INTS8: variants seen among roughly 807,000 people sequenced by gnomAD.
INTS8 encodes integrator complex subunit 8.
Under a neutral mutation model 138.9 loss-of-function variants are expected in INTS8, and 47 were observed. The ratio of observed to expected loss-of-function variants is 0.34; its 90% CI spans 0.27 to 0.43. The LOEUF is 0.43. Ranked by LOEUF, INTS8 falls within the 20% of genes least tolerant of loss-of-function variation. The probability of loss-of-function intolerance (pLI) is 1.00; values close to 1 mark genes in which losing one functional copy is unlikely to be tolerated. For synonymous variants in INTS8, 392 were observed against 400.9 expected, an observed-to-expected ratio of 0.98 and a Z score of 0.27; for missense variants, 996 against 1,173.0, an observed-to-expected ratio of 0.85 and a Z score of 2.20.
chr8:94,848,776 A>T (rs532345753), intron 10 of INTS8, among the ~76,000 whole-genome samples: 239 of 152,262 alleles, frequency 1.6e-3, no homozygotes, highest in African/African-American at 5.5e-3. Context: ...TGAACATTCT[A>T]TTTTGTGTGT....
chr8:94,833,083 TA>T (rs1814789406), intron 6 of INTS8, among the ~76,000 whole-genome samples: 1 of 152,116 alleles, frequency 6.6e-6, no homozygotes, highest in Admixed American at 6.6e-5. Context: ...GGACCTTGAG[TA>T]AAATAGAAAT....
chr8:94,878,759 T>C (rs1816666587), intron 26 of INTS8, among the ~76,000 whole-genome samples: 2 of 152,220 alleles, frequency 1.3e-5, no homozygotes, highest in Admixed American at 1.3e-4. Flanking sequence ...GCTCTTACTT[T>C]TCTCTCAAGA....
At chr8:94,862,326 A>T (rs6471499) in intron 16 of INTS8, among the ~76,000 whole-genome samples, 115,051 of 152,162 alleles carry the variant, frequency 0.76, 43,568 homozygotes, top group Middle Eastern at 0.81. Flanking sequence ...GACACCAGTA[A>T]TTTCTTAGCC....
Position 94,856,811 on chromosome 8 carries a change from G to C in INTS8, c.1787G>C (p.Cys596Ser), listed in dbSNP as rs774559705. 1 of 1,614,096 alleles carries C rather than the reference G, an allele frequency of 6.2e-7. No individual in the cohort carries two copies. Among genetic ancestry groups the C allele is most frequent in the Non-Finnish European group, 8.5e-7 (1 of 1,180,022 alleles). The change falls in exon 15 of 27, where the codon TGT (cysteine) becomes TCT (serine). Residue 596 changes from cysteine to serine, a missense_variant. Coordinates refer to ENST00000523731, the MANE Select transcript of INTS8 (RefSeq NM_017864.4). ...CATGCTAAACAGCTCTTTGCTGCTT[G>C]TTTGGAGTTGGTAACAGAGTTCTCA... ...FSHAKQLFAA[C>S]LELVTEFSPK... is the part of the protein sequence containing the mutation.
chr8:94,840,699 A>G (rs1212027270), intron 8 of INTS8, among the ~76,000 whole-genome samples: 2 of 151,520 alleles, frequency 1.3e-5, no homozygotes, highest in Non-Finnish European at 2.9e-5. Flanking sequence ...CTGGGATTAC[A>G]GGCGCCTGCC....
intron 10 of INTS8, among the ~76,000 whole-genome samples, chr8:94,844,465 C>T (rs957108977): frequency 6.6e-6 from 1 of 151,740 alleles, no homozygotes; most frequent in African/African-American, 2.4e-5. Context: ...TACAGGTGCC[C>T]ACCACCACGC....
chr8:94,876,018 C>T, intron 23 of INTS8, 56 bp from the exon 24 acceptor site: 1 of 1,140,422 alleles, frequency 8.8e-7, no homozygotes, highest in Non-Finnish European at 1.3e-6. Context: ...TCAAGATTAC[C>T]TTGTAAAACC....
chr8:94,831,991 G>A lies in INTS8; in HGVS notation c.571-1G>A, dbSNP rs1814735428. ...TTTTATTTGTTTATTGATTTCTGTA[G>A]CTCAAAGAACAAGCTGCTGATTCTA... On this transcript the variant is annotated splice_acceptor_variant, in intron 5 of 26. Coordinates refer to ENST00000523731, the MANE Select transcript of INTS8 (RefSeq NM_017864.4). LOFTEE classifies it high-confidence loss of function. 1 of 1,584,262 alleles carries A rather than the reference G, an allele frequency of 6.3e-7. No individual in the cohort carries two copies.
chr8:94,847,428 C>T (rs1815371436), intron 10 of INTS8, among the ~76,000 whole-genome samples: 1 of 152,020 alleles, frequency 6.6e-6, no homozygotes, highest in Non-Finnish European at 1.5e-5. Flanking sequence ...AGGCATCTGT[C>T]TTTTTTATTG....
At chr8:94,826,711 G>C (rs1814518137) in intron 2 of INTS8, among the ~76,000 whole-genome samples, 1 of 152,168 alleles carries the variant, frequency 6.6e-6, no homozygotes, top group Non-Finnish European at 1.5e-5. Context: ...AGTAAGATTG[G>C]CCATCAGGTG....
intron 5 of INTS8, 59 bp downstream of exon 5, chr8:94,829,085 C>T: frequency 7.7e-7 from 1 of 1,296,130 alleles, no homozygotes; most frequent in Non-Finnish European, 1.1e-6. Context: ...AGCAGCAGTT[C>T]CCAACCTTTT....
intron 6 of INTS8, among the ~76,000 whole-genome samples, chr8:94,833,562 A>G (rs116526117): frequency 0.011 from 1,731 of 152,150 alleles, 32 homozygotes; most frequent in African/African-American, 0.039. Flanking sequence ...GGTATGTAGT[A>G]TCTCATAATC....
chr8:94,867,427 T>G, intron 20 of INTS8, 90 bp downstream of exon 20: 1 of 891,844 alleles, frequency 1.1e-6, no homozygotes, highest in Non-Finnish European at 1.8e-6. Context: ...ATAATTTTAT[T>G]AAAGGGCCAG....
chr8:94,868,977 T>TG (rs1393621642), intron 20 of INTS8, among the ~76,000 whole-genome samples: 1 of 147,560 alleles, frequency 6.8e-6, no homozygotes, highest in African/African-American at 2.5e-5. Context: ...CACCCAGTTT[T>TG]GGATTTTTTT....
chr8:94,867,529 T>C, intron 20 of INTS8, 192 bp downstream of exon 20: 2 of 480,288 alleles, frequency 4.2e-6, no homozygotes, highest in Non-Finnish European at 7.2e-6. Context: ...CCCTTTTTTT[T>C]TTTTTTTTTT....
chr8:94,823,883 G>C (rs1814380690), intron 1 of INTS8, among the ~76,000 whole-genome samples: 1 of 152,250 alleles, frequency 6.6e-6, no homozygotes, highest in Non-Finnish European at 1.5e-5. Flanking sequence ...GCTTGGGTCG[G>C]GGAGGCTGAC....
intron 16 of INTS8, among the ~76,000 whole-genome samples, chr8:94,861,452 G>T (rs1175875771): frequency 6.6e-6 from 1 of 151,694 alleles, no homozygotes; most frequent in Non-Finnish European, 1.5e-5. Context: ...TAGTGGTGAC[G>T]GGGTTTCACC....
intron 10 of INTS8, among the ~76,000 whole-genome samples, chr8:94,844,346 T>C (rs1179943136): frequency 1.3e-5 from 2 of 152,062 alleles, no homozygotes; most frequent in African/African-American, 4.8e-5. Flanking sequence ...GCCAGAGTTC[T>C]GCTCTTGTTG....
intron 15 of INTS8, among the ~76,000 whole-genome samples, chr8:94,859,090 A>AC (rs1815857593): frequency 6.6e-6 from 1 of 151,922 alleles, no homozygotes; most frequent in Non-Finnish European, 1.5e-5. Context: ...ACATAGTGAG[A>AC]CCCCATCTCT....
Sources: gnomAD v4.1 joint callset for allele counts (sites outside exome capture counted in the v4.1 genomes callset) on GRCh38, gnomAD v4.1.1 for gene constraint, MANE v1.5 for transcripts, NCBI Gene and HGNC (gene_info 2026-07-23, HGNC 2026-07-21) for gene names.